The following CPEB1 variants were observed in gnomAD, a reference collection of about 807,000 sequenced individuals.
CPEB1 encodes the protein cytoplasmic polyadenylation element binding protein 1, also known as cytoplasmic polyadenylation element-binding protein 1.
CPEB1 carries 7 observed loss-of-function variants against 65.8 expected under a neutral mutation model. The observed-to-expected ratio is 0.11, with a 90% CI of 0.06 to 0.20. The LOEUF (loss-of-function observed/expected upper bound fraction) is 0.20. Ranked by LOEUF, CPEB1 falls within the 10% of genes least tolerant of loss-of-function variation. The pLI is 1.00. For synonymous variants in CPEB1, 262 were observed against 260.0 expected, an observed-to-expected ratio of 1.01 and a Z score of -0.08; for missense variants, 551 against 712.2, an observed-to-expected ratio of 0.77 and a Z score of 2.58.
intron 3 of CPEB1, among the ~76,000 whole-genome samples, chr15:82,600,760 G>A (rs963203519): frequency 2.0e-5 from 3 of 152,056 alleles, no homozygotes; most frequent in African/African-American, 4.8e-5. Flanking sequence ...GGAATAGAAC[G>A]TGAAGAACAA....
chr15:82,561,775 T>C (rs2038254739), intron 4 of CPEB1, among the ~76,000 whole-genome samples: 1 of 152,192 alleles, frequency 6.6e-6, no homozygotes, highest in Non-Finnish European at 1.5e-5. Context: ...GTCAAATTCC[T>C]GTACAAAGCT....
intron 3 of CPEB1, among the ~76,000 whole-genome samples, chr15:82,596,540 T>C (rs992003776): frequency 4.0e-5 from 6 of 151,554 alleles, no homozygotes; most frequent in Admixed American, 1.3e-4. Context: ...TCTACTAAAA[T>C]ACAAAAAATT....
upstream of CPEB1, chr15:82,647,941 T>C: frequency 8.5e-7 from 1 of 1,180,678 alleles, no homozygotes; most frequent in Non-Finnish European, 1.1e-6. Context: ...CGCACGCACG[T>C]GGGCACTATT....
In CPEB1 at chr15:82,627,111, C is replaced by T. The variant is rs1354059264; in HGVS notation, c.271+82G>A. On this transcript the variant is annotated intron_variant, in intron 3 of 12. Transcript: ENST00000684509. ...TCAACATTGTTCTTCACAAGCTTTC[C>T]AAGGAAGACCTCTTACATGCACTAC... 1.3e-5 allele frequency: 15 copies of T among 1,142,222 alleles called. No homozygotes were observed. In the South Asian group the frequency reaches 3.1e-4, roughly 24 times the overall value. The allele number at this position is 1,142,222 out of a possible 1,614,324, so 70.8% of individuals were successfully genotyped here.
At chr15:82,618,944 G>A (rs1404193600) in intron 3 of CPEB1, among the ~76,000 whole-genome samples, 1 of 152,184 alleles carries the variant, frequency 6.6e-6, no homozygotes, top group Non-Finnish European at 1.5e-5. Context: ...TGTGGGGCAG[G>A]GGGTGGAGCT....
At chr15:82,629,978 A>G (rs906896656) in intron 1 of CPEB1, 3 of 985,332 alleles carry the variant, frequency 3.0e-6, no homozygotes, top group African/African-American at 3.5e-5. Context: ...TGTTTTCCCA[A>G]GCTCTCTAGA....
intron 3 of CPEB1, among the ~76,000 whole-genome samples, chr15:82,598,453 C>T (rs1275531839): frequency 6.6e-6 from 1 of 151,902 alleles, no homozygotes; most frequent in Admixed American, 6.6e-5. Flanking sequence ...GAGATTGCAC[C>T]ACTCCAGCCT....
chr15:82,603,816 C>T (rs149621960), intron 3 of CPEB1, among the ~76,000 whole-genome samples: 10 of 152,290 alleles, frequency 6.6e-5, no homozygotes, highest in African/African-American at 2.2e-4. Flanking sequence ...TGAGAAGAGC[C>T]ACTAAATGAA....
At chr15:82,549,787 G>A in intron 9 of CPEB1, 129 bp from the exon 10 acceptor site, 2 of 856,932 alleles carry the variant, frequency 2.3e-6, no homozygotes, top group Non-Finnish European at 1.8e-6. Context: ...AAAAGGTGCT[G>A]TTGCCCAATC....
chr15:82,608,544 A>T (rs1348115511), intron 3 of CPEB1, among the ~76,000 whole-genome samples: 2 of 152,226 alleles, frequency 1.3e-5, no homozygotes. Context: ...AATACAAATT[A>T]AAAGGCCACA....
At chr15:82,549,961 T>C (rs1188261853) in intron 9 of CPEB1, among the ~76,000 whole-genome samples, 1 of 152,176 alleles carries the variant, frequency 6.6e-6, no homozygotes, top group Non-Finnish European at 1.5e-5. Flanking sequence ...CCCAGCATTC[T>C]ATTTCAACCT....
rs751843256 is a variant in CPEB1 at position 82,600,897 on chromosome 15, CTTT to C, written c.271+26293_271+26295del. ...CTTTTTTAAAGAACCCAGAACTTGTCTTTTTTTTTTTTTTTTTTTTTTTTGGAG... is the reference window on the plus strand; with the variant it reads ...CTTTTTTAAAGAACCCAGAACTTGTCTTTTTTTTTTTTTTTTTTTTTGGAG... On this transcript the variant is annotated intron_variant, in intron 3 of 12. Coordinates refer to ENST00000684509, the MANE Select transcript of CPEB1 (RefSeq NM_001365242.1). Among the ~76,000 whole-genome samples, 49 of 64,176 alleles carry C rather than the reference CTTT, an allele frequency of 7.6e-4. No homozygotes were observed. The East Asian group carries it at 0.013, about 17-fold the overall frequency. The allele number at this position is 64,176 out of a possible 152,430, so 42.1% of individuals were successfully genotyped here.
intron 12 of CPEB1, among the ~76,000 whole-genome samples, chr15:82,546,116 A>C (rs542203908): frequency 5.9e-5 from 9 of 151,884 alleles, no homozygotes; most frequent in Non-Finnish European, 1.0e-4. Context: ...TTGGCATAAC[A>C]ATTTTTTTTT....
At position 82,571,367 on chromosome 15, in the gene CPEB1, G is replaced by A. The variant is rs2040001097; in HGVS notation, c.437C>T (p.Ser146Leu). 1 of 1,614,116 alleles carries A rather than the reference G, an allele frequency of 6.2e-7. No homozygotes were observed. The highest frequency in any genetic ancestry group is 8.5e-7 in the Non-Finnish European group (1 of 1,180,004). The change falls in exon 4 of 13, where the codon TCA becomes TTA. Residue 146 changes from serine to leucine, a missense_variant. Physicochemically the swap from Ser to Leu is moderately radical, Grantham distance 145 (BLOSUM62 -2). Transcript: ENST00000684509. ...RPWSTQDSDS[S>L]AQSSTHSVLS... ...ACCCGAGTGTGTGCTGCTCTGGGCT[G>A]AGGAATCTGAGTCCTGGGTGCTCCA...
intron 3 of CPEB1, among the ~76,000 whole-genome samples, chr15:82,587,052 A>G (rs2041862264): frequency 6.6e-6 from 1 of 152,226 alleles, no homozygotes; most frequent in African/African-American, 2.4e-5. Flanking sequence ...AATTCAACAT[A>G]GGAAAAGATT....
chr15:82,627,465 G>C, intron 2 of CPEB1, 98 bp from the exon 3 acceptor site: 1 of 902,336 alleles, frequency 1.1e-6, no homozygotes, highest in African/African-American at 1.7e-5. Flanking sequence ...AAGGACTTAA[G>C]TATCTTCTTT....
intron 3 of CPEB1, among the ~76,000 whole-genome samples, chr15:82,609,189 A>C (rs763897945): frequency 6.6e-6 from 1 of 152,198 alleles, no homozygotes; most frequent in Admixed American, 6.5e-5. Flanking sequence ...TAATACTTGG[A>C]AAGTTGTAAA....
chr15:82,606,562 T>C (rs55732557), intron 3 of CPEB1, among the ~76,000 whole-genome samples: 675 of 48,988 alleles, frequency 0.014, 44 homozygotes, highest in Middle Eastern at 0.03. Flanking sequence ...CTCACGCCTG[T>C]AATCCCAGCA....
chr15:82,641,701 A>G (rs1212354379), intron 1 of CPEB1: 4 of 152,076 alleles, frequency 2.6e-5, no homozygotes, highest in African/African-American at 7.2e-5. Context: ...AATCAAAACA[A>G]AGAGTGTTAA....
Sources: allele counts gnomAD v4.1 joint callset (sites outside exome capture counted in the v4.1 genomes callset), GRCh38; gene constraint gnomAD v4.1.1; transcripts MANE v1.5; gene names NCBI Gene and HGNC (gene_info 2026-07-23, HGNC 2026-07-21).